Variants in NDE1 observed in about 807,000 individuals in gnomAD.
The protein encoded by NDE1 is nuclear distribution protein nudE homolog 1.
In NDE1, 28 loss-of-function variants were observed where a neutral mutation model predicts 43.4. The ratio of observed to expected loss-of-function variants is 0.65; its 90% confidence interval spans 0.48 to 0.89. The LOEUF (loss-of-function observed/expected upper bound fraction) is 0.89, where lower values mean the gene tolerates loss of function less well. NDE1 is among the 40% of genes least tolerant of loss of function. The pLI is 0.00. For missense variants in NDE1, 441 were observed against 434.1 expected (o/e 1.02, Z -0.14); for synonymous variants, 184 against 172.0 (o/e 1.07, Z -0.55).
At chr16:15,654,462 G>A (rs541968176) in intron 1 of NDE1, among the ~76,000 whole-genome samples, 2 of 151,670 alleles carry the variant, frequency 1.3e-5, no homozygotes, top group African/African-American at 4.8e-5. Flanking sequence ...TTAGCCAGTC[G>A]TGGTGGCATG....
At chr16:15,657,821 C>G (rs150365645) in intron 1 of NDE1, among the ~76,000 whole-genome samples, 259 of 151,986 alleles carry the variant, frequency 1.7e-3, no homozygotes, top group Middle Eastern at 6.8e-3. Flanking sequence ...AGGCTGGTCT[C>G]AAACTCCTGA....
At chr16:15,653,200 G>A (rs187081182) in intron 1 of NDE1, among the ~76,000 whole-genome samples, 55 of 152,248 alleles carry the variant, frequency 3.6e-4, no homozygotes, top group African/African-American at 1.3e-3. Flanking sequence ...CTTAACAACT[G>A]CATCGTTTTC....
At chr16:15,707,959 CAAAAAAAAAA>C (rs59081092) in intron 8 of NDE1, among the ~76,000 whole-genome samples, 2 of 115,968 alleles carry the variant, frequency 1.7e-5, no homozygotes, top group Admixed American at 1.8e-4. Flanking sequence ...GACTCCGTCT[CAAAAAAAAAA>C]AAAAAAAAAA....
At chr16:15,720,412 C>T in intron 8 of NDE1, 2 of 1,478,054 alleles carry the variant, frequency 1.4e-6, no homozygotes, top group South Asian at 1.2e-5. Context: ...CAGCACAGCC[C>T]CCTTGTGAGG....
intron 1 of NDE1, among the ~76,000 whole-genome samples, chr16:15,653,266 G>T (rs1169202964): frequency 6.6e-6 from 1 of 152,144 alleles, no homozygotes; most frequent in Non-Finnish European, 1.5e-5. Context: ...GTGAATGATG[G>T]TGTGCATCTT....
At chr16:15,674,280 G>A (rs558021887) in intron 3 of NDE1, among the ~76,000 whole-genome samples, 105 of 151,832 alleles carry the variant, frequency 6.9e-4, no homozygotes, top group African/African-American at 2.4e-3. Flanking sequence ...AGTCTTGTTC[G>A]TCGCCCAGAC....
intron 4 of NDE1, among the ~76,000 whole-genome samples, chr16:15,678,724 T>C (rs958912077): frequency 6.6e-6 from 1 of 152,130 alleles, no homozygotes; most frequent in African/African-American, 2.4e-5. Flanking sequence ...AGCCAAGCAG[T>C]TTTTTTGGAT....
intron 1 of NDE1, among the ~76,000 whole-genome samples, chr16:15,663,604 C>G (rs937214544): frequency 6.6e-6 from 1 of 152,042 alleles, no homozygotes; most frequent in Non-Finnish European, 1.5e-5. Flanking sequence ...CCTTGACTTT[C>G]GGGTTGAGTT....
chr16:15,717,099 A>C (rs576972450), intron 8 of NDE1: 3 of 1,600,484 alleles, frequency 1.9e-6, no homozygotes, highest in Admixed American at 3.3e-5. Flanking sequence ...GCTGTCCATC[A>C]CCCCCCTGCA....
chr16:15,696,237 T>C (rs954499647), intron 7 of NDE1, among the ~76,000 whole-genome samples: 1 of 150,888 alleles, frequency 6.6e-6, no homozygotes, highest in Non-Finnish European at 1.5e-5. Context: ...TAACTGGGCA[T>C]GATTGCGGAT....
intron 1 of NDE1, among the ~76,000 whole-genome samples, chr16:15,654,113 G>T (rs569368083): frequency 6.6e-6 from 1 of 152,236 alleles, no homozygotes; most frequent in East Asian, 1.9e-4. Flanking sequence ...GTTTGTCATT[G>T]TTCCTTGCAT....
At chr16:15,712,530 A>AG (rs2039862279) in intron 8 of NDE1, among the ~76,000 whole-genome samples, 2 of 152,020 alleles carry the variant, frequency 1.3e-5, no homozygotes, top group Admixed American at 6.6e-5. Context: ...TGGGAGGCAG[A>AG]GGTTGCAGTG....
intron 8 of NDE1, among the ~76,000 whole-genome samples, chr16:15,706,857 C>T (rs2039483402): frequency 6.6e-6 from 1 of 152,134 alleles, no homozygotes; most frequent in Non-Finnish European, 1.5e-5. Context: ...CTAAGAAATA[C>T]ATTGTGCCCT....
In NDE1 at chr16:15,724,039, T is replaced by C. The variant is rs1302036832; in HGVS notation, c.948-152T>C. The stretch of plus-strand genomic sequence containing the variant: ...CAAGACAAGATAAGACAGCCTCCCA[T>C]GGCTCCCCACAGAGTGGAGAGGGGA... On this transcript the variant is annotated intron_variant, in intron 8 of 8. Transcript: ENST00000396354. 6 of 1,523,022 alleles carry C rather than the reference T, an allele frequency of 3.9e-6. No individual in the cohort carries two copies. The African/African-American group carries it at 8.2e-5, about 21-fold the overall frequency. 94.3% of individuals were successfully genotyped at this position (1,523,022 alleles called of 1,614,324 possible).
intron 4 of NDE1, among the ~76,000 whole-genome samples, chr16:15,682,284 C>G (rs2038223288): frequency 6.6e-6 from 1 of 152,188 alleles, no homozygotes; most frequent in Non-Finnish European, 1.5e-5. Context: ...GTAGCTGGGA[C>G]TACAGTCATG....
At position 15,694,273 on chromosome 16, in the gene NDE1, C is replaced by A; in HGVS notation, c.795+17C>A. 6.2e-7 allele frequency: 1 copy of A among 1,611,294 alleles called. No individual in the cohort carries two copies. Among genetic ancestry groups the A allele is most frequent in the Non-Finnish European group, 8.5e-7 (1 of 1,179,000 alleles). On this transcript the variant is annotated intron_variant, in intron 7 of 8. Coordinates refer to ENST00000396354, the MANE Select transcript of NDE1 (RefSeq NM_017668.3). The stretch of plus-strand genomic sequence containing the variant: ...AAAGTCGGGGTAAGACCACACTTTC[C>A]TGGCGTTTGGTGCCTTCCTGCCTGT...
chr16:15,697,426 G>A (rs1306864696), intron 8 of NDE1, among the ~76,000 whole-genome samples: 2 of 152,112 alleles, frequency 1.3e-5, no homozygotes, highest in Non-Finnish European at 2.9e-5. Context: ...GCCCTTATTT[G>A]GGCCAGGTGT....
At chr16:15,680,405 C>G (rs1044939899) in intron 4 of NDE1, among the ~76,000 whole-genome samples, 12 of 152,148 alleles carry the variant, frequency 7.9e-5, no homozygotes, top group African/African-American at 2.4e-4. Context: ...TTTTCCAGTT[C>G]CTGCCAGTGC....
At chr16:15,681,241 G>A (rs1178274340) in intron 4 of NDE1, among the ~76,000 whole-genome samples, 5 of 73,668 alleles carry the variant, frequency 6.8e-5, no homozygotes, top group Non-Finnish European at 1.1e-4. Flanking sequence ...TGCCAGCACT[G>A]TTAAACACTG....
Sources: allele counts gnomAD v4.1 joint callset (sites outside exome capture counted in the v4.1 genomes callset), GRCh38; gene constraint gnomAD v4.1.1; transcripts MANE v1.5; gene names NCBI Gene and HGNC (gene_info 2026-07-23, HGNC 2026-07-21).